DLG2: variants seen among roughly 807,000 people sequenced by gnomAD.
DLG2 encodes the protein discs large MAGUK scaffold protein 2, also known as disks large homolog 2.
In DLG2, 45 loss-of-function variants were observed where a neutral mutation model predicts 132.5. The observed-to-expected ratio is 0.34, with a 90% CI of 0.27 to 0.44. The LOEUF is 0.44. Ranked by LOEUF, DLG2 falls within the 20% of genes least tolerant of loss-of-function variation. DLG2 has a pLI of 1.00. For synonymous variants in DLG2, 424 were observed against 419.6 expected, an observed-to-expected ratio of 1.01 and a Z score of -0.13; for missense variants, 1,045 against 1,196.9, an observed-to-expected ratio of 0.87 and a Z score of 1.87.
intron 4 of DLG2, among the ~76,000 whole-genome samples, chr11:85,196,998 T>G (rs1019177234): frequency 6.6e-6 from 1 of 152,178 alleles, no homozygotes; most frequent in Non-Finnish European, 1.5e-5. Context: ...CACAACAGAA[T>G]AGCTACATTT....
chr11:84,059,526 A>C, intron 10 of DLG2, 42 bp from the exon 11 acceptor site: 6 of 1,439,966 alleles, frequency 4.2e-6, no homozygotes. Context: ...AGTGGCTAGC[A>C]GGATTTCTTA....
Position 85,471,913 on chromosome 11 carries a change from T to C in DLG2, c.40+126744A>G, listed in dbSNP as rs1597650839. ...TGACAAAGAATTATATAAGCAATCT[T>C]AGATTTAAAAAAAAGACCCACAAGG... On this transcript the variant is annotated intron_variant, in intron 3 of 27. Transcript: ENST00000376104. Among the ~76,000 whole-genome samples the C allele has an allele frequency of 3.3e-5, 5 of 152,194 alleles. No homozygotes were observed. The South Asian group carries it at 8.3e-4, about 25-fold the overall frequency.
intron 4 of DLG2, among the ~76,000 whole-genome samples, chr11:85,272,485 A>G (rs2077597999): frequency 2.6e-5 from 4 of 152,322 alleles, no homozygotes; most frequent in Admixed American, 2.6e-4. Flanking sequence ...GCCTTGAGGC[A>G]GAATTCCTTC....
intron 6 of DLG2, among the ~76,000 whole-genome samples, chr11:84,710,515 T>C (rs1268574112): frequency 6.6e-6 from 1 of 151,916 alleles, no homozygotes; most frequent in Admixed American, 6.6e-5. Context: ...TGCCATCTTA[T>C]TTGAGAACTT....
chr11:85,017,089 G>A (rs565896798), intron 6 of DLG2, among the ~76,000 whole-genome samples: 3 of 152,238 alleles, frequency 2.0e-5, no homozygotes, highest in African/African-American at 7.2e-5. Flanking sequence ...ATATCTTATG[G>A]TCCTCAAAGC....
chr11:84,398,986 T>C (rs2098820206), intron 7 of DLG2, among the ~76,000 whole-genome samples: 1 of 152,220 alleles, frequency 6.6e-6, no homozygotes. Flanking sequence ...AGTTATAGCT[T>C]TATATTTTCA....
intron 6 of DLG2, among the ~76,000 whole-genome samples, chr11:84,744,505 C>A (rs1051633340): frequency 6.6e-6 from 1 of 152,126 alleles, no homozygotes; most frequent in African/African-American, 2.4e-5. Context: ...TCAGTTCTGA[C>A]TGCACTAATT....
chr11:84,733,065 A>T (rs1254277617), intron 6 of DLG2, among the ~76,000 whole-genome samples: 1 of 152,108 alleles, frequency 6.6e-6, no homozygotes, highest in Non-Finnish European at 1.5e-5. Context: ...GTTGGTTCCA[A>T]GTCTTTGCTA....
chr11:84,139,567 T>C (rs71469626), intron 9 of DLG2, among the ~76,000 whole-genome samples: 5,292 of 152,122 alleles, frequency 0.035, 147 homozygotes, highest in Non-Finnish European at 0.055. Flanking sequence ...TTCTAAGCAG[T>C]CTATTTTCTA....
At chr11:84,097,607 T>A (rs547951484) in intron 10 of DLG2, among the ~76,000 whole-genome samples, 3 of 152,198 alleles carry the variant, frequency 2.0e-5, no homozygotes, top group Non-Finnish European at 2.9e-5. Flanking sequence ...TTAACAAGTG[T>A]CATAAATATT....
chr11:83,472,630 G>T, intron 23 of DLG2, 97 bp downstream of exon 23: 1 of 1,048,446 alleles, frequency 9.5e-7, no homozygotes, highest in Admixed American at 2.1e-5. Context: ...GCATTAAGCC[G>T]AGTTTATTCT....
At chr11:83,508,338 G>A (rs144655137) in intron 21 of DLG2, among the ~76,000 whole-genome samples, 1,476 of 146,962 alleles carry the variant, frequency 0.01, 14 homozygotes, top group Middle Eastern at 0.022. Flanking sequence ...CCGGGTTCAC[G>A]CCATTCTTCT....
At chr11:85,009,650 T>G (rs935535101) in intron 6 of DLG2, among the ~76,000 whole-genome samples, 21 of 152,252 alleles carry the variant, frequency 1.4e-4, no homozygotes, top group Non-Finnish European at 2.9e-4. Flanking sequence ...TGAAACATTT[T>G]ATTGTATATT....
At chr11:84,922,172 C>CT (rs1254527408) in intron 6 of DLG2, among the ~76,000 whole-genome samples, 1 of 145,236 alleles carries the variant, frequency 6.9e-6, no homozygotes, top group East Asian at 2.0e-4. Flanking sequence ...TTTATATTGA[C>CT]TTTAAAAAAA....
chr11:84,042,748 T>A (rs1029877279), intron 11 of DLG2, among the ~76,000 whole-genome samples: 2 of 151,780 alleles, frequency 1.3e-5, no homozygotes, highest in African/African-American at 4.8e-5. Flanking sequence ...ATGGATGGAA[T>A]TGGAGCCATT....
At chr11:84,492,659 T>C (rs932001392) in intron 7 of DLG2, among the ~76,000 whole-genome samples, 1 of 152,178 alleles carries the variant, frequency 6.6e-6, no homozygotes, top group African/African-American at 2.4e-5. Context: ...GTGCAACACC[T>C]AGCATATTTA....
At chr11:83,915,948 T>G (rs1024832106) in intron 15 of DLG2, among the ~76,000 whole-genome samples, 1 of 152,168 alleles carries the variant, frequency 6.6e-6, no homozygotes, top group Non-Finnish European at 1.5e-5. Flanking sequence ...ACTCTACAGA[T>G]TTATTTGCCT....
At chr11:83,566,391 T>TA (rs1565833263) in intron 19 of DLG2, among the ~76,000 whole-genome samples, 1 of 152,172 alleles carries the variant, frequency 6.6e-6, no homozygotes, top group African/African-American at 2.4e-5. Flanking sequence ...CTGGACCGAC[T>TA]AAGTCTTTTC....
intron 5 of DLG2, among the ~76,000 whole-genome samples, chr11:85,133,375 C>T (rs1198318237): frequency 6.6e-6 from 1 of 152,004 alleles, no homozygotes; most frequent in African/African-American, 2.4e-5. Context: ...GCATGATTGC[C>T]GGGAGTCTAA....
Sources: allele counts gnomAD v4.1 joint callset (sites outside exome capture counted in the v4.1 genomes callset), GRCh38; gene constraint gnomAD v4.1.1; transcripts MANE v1.5; gene names NCBI Gene and HGNC (gene_info 2026-07-23, HGNC 2026-07-21).